THRB: variants seen among roughly 807,000 people sequenced by gnomAD.
THRB encodes the protein thyroid hormone receptor beta.
THRB carries 12 observed loss-of-function variants against 47.8 expected under a neutral mutation model. The observed-to-expected ratio is 0.25, with a 90% CI of 0.16 to 0.41. THRB has a LOEUF of 0.41. THRB is among the 10% of genes least tolerant of loss of function. The probability of loss-of-function intolerance (pLI) is 1.00; values close to 1 mark genes in which losing one functional copy is unlikely to be tolerated. For synonymous variants in THRB, 218 were observed against 212.2 expected (o/e 1.03, Z -0.24); for missense variants, 348 against 589.2 (o/e 0.59, Z 4.24).
intron 4 of THRB, among the ~76,000 whole-genome samples, chr3:24,217,397 C>G (rs923715096): frequency 5.9e-5 from 9 of 152,018 alleles, no homozygotes; most frequent in African/African-American, 1.4e-4. Context: ...TTTCATCCTG[C>G]TCATTGAAAA....
chr3:24,290,069 T>C (rs1324462686), intron 3 of THRB, among the ~76,000 whole-genome samples: 1 of 152,246 alleles, frequency 6.6e-6, no homozygotes, highest in Non-Finnish European at 1.5e-5. Context: ...TAGGTTGTGC[T>C]TTCCCTGTTT....
At chr3:24,316,231 G>C (rs1427903545) in intron 2 of THRB, among the ~76,000 whole-genome samples, 1 of 151,924 alleles carries the variant, frequency 6.6e-6, no homozygotes, top group African/African-American at 2.4e-5. Context: ...AATAACTGCT[G>C]GTCAACCACC....
intron 4 of THRB, among the ~76,000 whole-genome samples, chr3:24,205,509 A>C (rs1043064526): frequency 6.6e-6 from 1 of 152,246 alleles, no homozygotes; most frequent in Non-Finnish European, 1.5e-5. Flanking sequence ...AGCACTAAAC[A>C]TGGAAAGGAA....
At chr3:24,338,116 G>C (rs1219754253) in intron 1 of THRB, among the ~76,000 whole-genome samples, 1 of 152,068 alleles carries the variant, frequency 6.6e-6, no homozygotes, top group Non-Finnish European at 1.5e-5. Context: ...AAAAACAGAG[G>C]TTAGCAGGGA....
intron 1 of THRB, among the ~76,000 whole-genome samples, chr3:24,357,550 C>A (rs1255339759): frequency 1.3e-5 from 2 of 151,952 alleles, no homozygotes; most frequent in African/African-American, 4.8e-5. Context: ...ATGTTCCTGG[C>A]ATACACATAC....
chr3:24,174,020 TAAAAA>T (rs375351841), intron 5 of THRB, among the ~76,000 whole-genome samples: 2 of 152,080 alleles, frequency 1.3e-5, no homozygotes, highest in Non-Finnish European at 2.9e-5. Flanking sequence ...GGCCACATTT[TAAAAA>T]AAATTTTTAT....
intron 1 of THRB, among the ~76,000 whole-genome samples, chr3:24,400,533 G>A (rs1482097431): frequency 6.6e-6 from 1 of 151,988 alleles, no homozygotes; most frequent in Non-Finnish European, 1.5e-5. Flanking sequence ...CTCAAAAAGA[G>A]TTCAAGGTAG....
intron 5 of THRB, among the ~76,000 whole-genome samples, chr3:24,159,585 C>A (rs2038444171): frequency 6.6e-6 from 1 of 152,102 alleles, no homozygotes; most frequent in Admixed American, 6.5e-5. Context: ...TATAAGAAAT[C>A]CTTTATGAAA....
At chr3:24,150,685 A>G (rs1048301930) in intron 6 of THRB, among the ~76,000 whole-genome samples, 7 of 152,164 alleles carry the variant, frequency 4.6e-5, no homozygotes, top group Admixed American at 1.3e-4. Context: ...TGTCCTCTGT[A>G]AGGCACATTC....
chr3:24,276,085 A>G (rs2053888225), intron 3 of THRB, among the ~76,000 whole-genome samples: 1 of 151,822 alleles, frequency 6.6e-6, no homozygotes, highest in African/African-American at 2.4e-5. Context: ...TCTTGTAGAC[A>G]GCCTTCTGAG....
chr3:24,422,910 G>T (rs757878105), intron 1 of THRB, among the ~76,000 whole-genome samples: 2 of 151,854 alleles, frequency 1.3e-5, no homozygotes, highest in Non-Finnish European at 1.5e-5. Flanking sequence ...TTGACCAACA[G>T]AATGTGGAGG....
chr3:24,399,434 G>C (rs2067231295), intron 1 of THRB, among the ~76,000 whole-genome samples: 1 of 152,028 alleles, frequency 6.6e-6, no homozygotes, highest in South Asian at 2.1e-4. Context: ...ATCTGGCCCA[G>C]AGCAAAATGA....
intron 5 of THRB, among the ~76,000 whole-genome samples, chr3:24,182,234 AAAG>A (rs1284812251): frequency 6.6e-6 from 1 of 151,818 alleles, no homozygotes; most frequent in African/African-American, 2.4e-5. Context: ...CAAACAAAAA[AAAG>A]AAAGACCACA....
intron 3 of THRB, among the ~76,000 whole-genome samples, chr3:24,263,168 G>T (rs1404820287): frequency 6.6e-6 from 1 of 151,934 alleles, no homozygotes; most frequent in African/African-American, 2.4e-5. Context: ...TGCTACTTTT[G>T]GCATTCTTCC....
chr3:24,419,251 G>A (rs2069016685), intron 1 of THRB, among the ~76,000 whole-genome samples: 1 of 151,846 alleles, frequency 6.6e-6, no homozygotes, highest in African/African-American at 2.4e-5. Context: ...TTGGTGGCAG[G>A]CTCAATGCTA....
At chr3:24,329,677 C>T (rs1392152143) in intron 2 of THRB, among the ~76,000 whole-genome samples, 1 of 152,194 alleles carries the variant, frequency 6.6e-6, no homozygotes, top group Non-Finnish European at 1.5e-5. Flanking sequence ...TACATCCATG[C>T]ACAATAATTG....
At chr3:24,230,275 C>G (rs536985616) in intron 3 of THRB, among the ~76,000 whole-genome samples, 1 of 152,324 alleles carries the variant, frequency 6.6e-6, no homozygotes, top group East Asian at 1.9e-4. Flanking sequence ...GCCTTTCCCA[C>G]CACACTGTAA....
intron 3 of THRB, among the ~76,000 whole-genome samples, chr3:24,275,144 T>C (rs895461457): frequency 2.6e-5 from 4 of 152,162 alleles, no homozygotes; most frequent in African/African-American, 9.6e-5. Flanking sequence ...GGAAAAAATA[T>C]AGAAAACAAT....
In THRB at chr3:24,133,296, A is replaced by C. The variant is rs2034151399; in HGVS notation, c.885+20T>G. On this transcript the variant is annotated intron_variant, in intron 9 of 10. Coordinates refer to ENST00000646209, the MANE Select transcript of THRB (RefSeq NM_001354712.2). ...AAACTATAATTAAGAATAATGCAGA[A>C]GGAAAAACAACATCCTCACCTCACA... The C allele has an allele frequency of 1.2e-6, 2 of 1,613,572 alleles. No homozygotes were observed. Among genetic ancestry groups the C allele is most frequent in the African/African-American group, 2.7e-5 (2 of 74,928 alleles).
Sources: gnomAD v4.1 joint callset for allele counts (sites outside exome capture counted in the v4.1 genomes callset) on GRCh38, gnomAD v4.1.1 for gene constraint, MANE v1.5 for transcripts, NCBI Gene and HGNC (gene_info 2026-07-23, HGNC 2026-07-21) for gene names.